The following PLXNA4 variants were observed in gnomAD, a reference collection of about 807,000 sequenced individuals.
The protein encoded by PLXNA4 is plexin A4, also known as plexin-A4.
Under a neutral mutation model 191.8 loss-of-function variants are expected in PLXNA4, and 44 were observed. The ratio of observed to expected loss-of-function variants is 0.23; its 90% CI spans 0.18 to 0.29. The LOEUF is 0.29. Ranked by LOEUF, PLXNA4 falls within the 10% of genes least tolerant of loss-of-function variation. The probability of loss-of-function intolerance (pLI) is 1.00; values close to 1 mark genes in which losing one functional copy is unlikely to be tolerated. For missense variants in PLXNA4, 1,800 were observed against 2,488.8 expected, an observed-to-expected ratio of 0.72 and a Z score of 5.89; for synonymous variants, 1,082 against 1,009.5, an observed-to-expected ratio of 1.07 and a Z score of -1.36.
chr7:132,546,668 A>T (rs1321603619), intron 1 of PLXNA4, among the ~76,000 whole-genome samples: 3 of 152,228 alleles, frequency 2.0e-5, no homozygotes, highest in Admixed American at 6.5e-5. Context: ...ATTGAAACAA[A>T]TGCCCCACTA....
intron 1 of PLXNA4, among the ~76,000 whole-genome samples, chr7:132,534,849 A>G (rs1166084802): frequency 6.6e-6 from 1 of 152,216 alleles, no homozygotes; most frequent in Non-Finnish European, 1.5e-5. Context: ...CATGATGCTG[A>G]GGCTGACACG....
chr7:132,215,385 C>A (rs1024579269), intron 9 of PLXNA4, among the ~76,000 whole-genome samples: 16 of 152,192 alleles, frequency 1.1e-4, no homozygotes, highest in African/African-American at 3.4e-4. Flanking sequence ...GGTTTGGATT[C>A]GATGAATTGT....
At chr7:132,544,604 T>A (rs1405069128) in intron 1 of PLXNA4, among the ~76,000 whole-genome samples, 2 of 152,298 alleles carry the variant, frequency 1.3e-5, no homozygotes, top group East Asian at 3.9e-4. Context: ...CTTCTAGGAT[T>A]CTCACTATTG....
At chr7:132,261,997 C>T (rs1799662311) in intron 4 of PLXNA4, among the ~76,000 whole-genome samples, 1 of 152,152 alleles carries the variant, frequency 6.6e-6, no homozygotes, top group Non-Finnish European at 1.5e-5. Context: ...ATCAACCTCT[C>T]AGGGCTGCCG....
chr7:132,193,290 G>T (rs1015930203), intron 14 of PLXNA4, among the ~76,000 whole-genome samples: 1 of 152,212 alleles, frequency 6.6e-6, no homozygotes. Flanking sequence ...CTGACTTTTC[G>T]CTTTCTGCCA....
chr7:132,461,625 T>C (rs562107606), intron 3 of PLXNA4, among the ~76,000 whole-genome samples: 1 of 152,236 alleles, frequency 6.6e-6, no homozygotes, highest in Non-Finnish European at 1.5e-5. Context: ...CATATCCTAA[T>C]AAATGTTTCT....
intron 3 of PLXNA4, among the ~76,000 whole-genome samples, chr7:132,473,795 T>A (rs73724012): frequency 0.041 from 6,220 of 150,902 alleles, 203 homozygotes; most frequent in African/African-American, 0.083. Flanking sequence ...GGAAGTGCCA[T>A]GGGAACGTAA....
chr7:132,202,053 C>T (rs572306186), intron 12 of PLXNA4, among the ~76,000 whole-genome samples: 66 of 152,308 alleles, frequency 4.3e-4, no homozygotes, highest in African/African-American at 1.5e-3. Context: ...CTGGTGGAGC[C>T]TGGATTCAAA....
chr7:132,170,970 C>G (rs1584790978), intron 21 of PLXNA4, among the ~76,000 whole-genome samples: 1 of 152,206 alleles, frequency 6.6e-6, no homozygotes, highest in East Asian at 1.9e-4. Context: ...GGAGGTGGGA[C>G]TAGCCTCTGC....
At position 132,174,873 on chromosome 7, in the gene PLXNA4, C is replaced by T. The variant is rs1365101809; in HGVS notation, c.3922G>A (p.Asp1308Asn). The change falls in exon 21 of 32, where the codon GAT becomes AAT. Residue 1308 changes from aspartate to asparagine, a missense_variant. By Grantham distance (23) the Asp-to-Asn change is conservative. Transcript: ENST00000321063. ...TDIHELTSDL[D>N]GAGIPFLDYR... ...TCCAGGAACGGAATCCCGGCTCCAT[C>T]CAGGTCACTGGTCAGCTCATGGATG... is the stretch of plus-strand genomic sequence containing the variant. 1.2e-6 allele frequency: 2 copies of T among 1,614,218 alleles called. No homozygotes were observed. Among genetic ancestry groups the T allele is most frequent in the Non-Finnish European group, 1.7e-6 (2 of 1,180,046 alleles).
chr7:132,143,371 CATT>C (rs1405090864), intron 29 of PLXNA4, among the ~76,000 whole-genome samples: 1 of 152,154 alleles, frequency 6.6e-6, no homozygotes, highest in Non-Finnish European at 1.5e-5. Flanking sequence ...ACTCCAAGGA[CATT>C]ATGGCACCCC....
At chr7:132,468,036 C>T (rs1188033470) in intron 3 of PLXNA4, among the ~76,000 whole-genome samples, 1 of 152,214 alleles carries the variant, frequency 6.6e-6, no homozygotes, top group Non-Finnish European at 1.5e-5. Flanking sequence ...TTGGGTACAT[C>T]TGGCTGCACT....
At chr7:132,615,131 T>G (rs79069614) in intron 2 of PLXNA4, among the ~76,000 whole-genome samples, 2,816 of 152,208 alleles carry the variant, frequency 0.019, 78 homozygotes, top group African/African-American at 0.063. Context: ...TTTGCCTCCC[T>G]ACCTAGGGAC....
At position 132,495,169 on chromosome 7, in the gene PLXNA4, T is replaced by C. The variant is rs117953291; in HGVS notation, c.1189-5695A>G. On this transcript the variant is annotated intron_variant, in intron 2 of 31. Transcript: ENST00000321063. ...CCTGCACAGCCCCTGGTGTGAGTCC[T>C]GATTGCACCTCCTCTGCCAAGCAAA... Among the ~76,000 whole-genome samples the C allele has an allele frequency of 1.7e-4, 26 of 152,318 alleles. No homozygotes were observed. In the East Asian group the frequency reaches 5.0e-3, roughly 29 times the overall value.
intron 3 of PLXNA4, among the ~76,000 whole-genome samples, chr7:132,310,538 T>C (rs1457821086): frequency 1.3e-5 from 2 of 152,214 alleles, no homozygotes; most frequent in Non-Finnish European, 2.9e-5. Flanking sequence ...ATTTCTTTGA[T>C]GTTCTGTCCT....
At chr7:132,562,510 TCTCCTC>T (rs1175480964) in intron 1 of PLXNA4, among the ~76,000 whole-genome samples, 1 of 65,108 alleles carries the variant, frequency 1.5e-5, no homozygotes, top group African/African-American at 6.6e-5. Context: ...TCCTCCTCCT[TCTCCTC>T]CTCTTCCTCC....
intron 16 of PLXNA4, among the ~76,000 whole-genome samples, chr7:132,183,043 G>A (rs1164722735): frequency 1.3e-5 from 2 of 152,192 alleles, no homozygotes; most frequent in African/African-American, 4.8e-5. Flanking sequence ...GAGCATCTTC[G>A]AGAAGAATCC....
intron 3 of PLXNA4, among the ~76,000 whole-genome samples, chr7:132,327,217 G>A (rs1330782874): frequency 1.3e-5 from 2 of 151,594 alleles, no homozygotes; most frequent in Admixed American, 1.3e-4. Flanking sequence ...GGGCAGCTTT[G>A]CAACCCCAGG....
intron 3 of PLXNA4, among the ~76,000 whole-genome samples, chr7:132,342,818 G>A (rs1803082615): frequency 6.6e-6 from 1 of 151,902 alleles, no homozygotes; most frequent in Admixed American, 6.6e-5. Context: ...ATGGTGCTGG[G>A]CACCTGTAAT....
Sources: gnomAD v4.1 joint callset for allele counts (sites outside exome capture counted in the v4.1 genomes callset) on GRCh38, gnomAD v4.1.1 for gene constraint, MANE v1.5 for transcripts, NCBI Gene and HGNC (gene_info 2026-07-23, HGNC 2026-07-21) for gene names.